PCDH15: variants seen among roughly 807,000 people sequenced by gnomAD.
PCDH15 encodes the protein protocadherin-15.
Under a neutral mutation model 178.5 loss-of-function variants are expected in PCDH15, and 129 were observed. The observed-to-expected ratio is 0.72, with a 90% CI of 0.63 to 0.84. The LOEUF (loss-of-function observed/expected upper bound fraction) is 0.84. Ranked by LOEUF, PCDH15 falls within the 40% of genes least tolerant of loss-of-function variation. The pLI, the probability that PCDH15 is intolerant of heterozygous loss-of-function variation, is 0.00. For synonymous variants in PCDH15, 800 were observed against 732.0 expected (o/e 1.09, Z -1.50); for missense variants, 2,230 against 2,099.9 (o/e 1.06, Z -1.21).
intron 11 of PCDH15, among the ~76,000 whole-genome samples, chr10:54,188,889 C>G (rs1318940116): frequency 2.6e-5 from 4 of 151,854 alleles, no homozygotes; most frequent in African/African-American, 4.8e-5. Flanking sequence ...CAAGAGCATA[C>G]ATATAAATGA....
chr10:54,143,109 A>G (rs1474401823), intron 14 of PCDH15, among the ~76,000 whole-genome samples: 2 of 152,112 alleles, frequency 1.3e-5, no homozygotes, highest in African/African-American at 4.8e-5. Flanking sequence ...AGAGACATGT[A>G]AGGCTTATTA....
intron 25 of PCDH15, among the ~76,000 whole-genome samples, chr10:53,938,395 C>T (rs1321473874): frequency 1.3e-5 from 2 of 151,912 alleles, no homozygotes; most frequent in Non-Finnish European, 2.9e-5. Context: ...AAATGTTAGT[C>T]GCTAATTTTA....
chr10:55,394,286 CTTCTT>C (rs1181594584), intron 2 of PCDH15, among the ~76,000 whole-genome samples: 14 of 151,766 alleles, frequency 9.2e-5, no homozygotes, highest in Non-Finnish European at 1.5e-4. Flanking sequence ...TTTCTTCCCT[CTTCTT>C]TTCCCTTCAT....
chr10:54,469,002 T>G (rs1344447336), intron 3 of PCDH15, among the ~76,000 whole-genome samples: 2 of 152,210 alleles, frequency 1.3e-5, no homozygotes, highest in Non-Finnish European at 1.5e-5. Context: ...AATATCTTTT[T>G]CCATCCCTTT....
intron 2 of PCDH15, among the ~76,000 whole-genome samples, chr10:55,596,053 A>G (rs1362360432): frequency 1.3e-5 from 2 of 152,096 alleles, no homozygotes; most frequent in African/African-American, 4.8e-5. Flanking sequence ...AATACTTTTA[A>G]GAACTTTTAA....
Position 55,401,835 on chromosome 10 carries a change from G to A in PCDH15, c.-156+225790C>T, listed in dbSNP as rs16907361. Among the ~76,000 whole-genome samples the A allele has an allele frequency of 7.9e-3, 1,202 of 152,130 alleles. 14 individuals are homozygous for A. The highest frequency in any genetic ancestry group is 0.026 in the African/African-American group (1,082 of 41,532). ...TTGCTTGTATGAGCTGTCTAGGAAT[G>A]ATGGAAATTAAGAGCTACAGTTCTC... On this transcript the variant is annotated intron_variant, in intron 2 of 5. Coordinates refer to the PCDH15 transcript ENST00000613346.
chr10:55,511,695 A>G (rs1013692689), intron 2 of PCDH15, among the ~76,000 whole-genome samples: 5 of 152,058 alleles, frequency 3.3e-5, no homozygotes, highest in African/African-American at 1.2e-4. Flanking sequence ...CTCCTCTAAT[A>G]AAGCAATCTC....
intron 9 of PCDH15, among the ~76,000 whole-genome samples, chr10:54,214,447 C>A (rs1298509475): frequency 4.0e-5 from 6 of 151,790 alleles, no homozygotes; most frequent in Non-Finnish European, 8.8e-5. Flanking sequence ...GTAATTTGTA[C>A]CAAATAGTGA....
chr10:54,947,106 C>G (rs1195643582), intron 2 of PCDH15, among the ~76,000 whole-genome samples: 2 of 151,736 alleles, frequency 1.3e-5, no homozygotes, highest in Non-Finnish European at 2.9e-5. Flanking sequence ...CAAAATTGAA[C>G]AGCTATTATG....
At chr10:55,242,913 A>C (rs2132214330) in intron 1 of PCDH15, among the ~76,000 whole-genome samples, 1 of 152,320 alleles carries the variant, frequency 6.6e-6, no homozygotes, top group African/African-American at 2.4e-5. Context: ...CACAACTTAT[A>C]ATAGGTTGAA....
chr10:54,484,463 A>C lies in PCDH15; in HGVS notation c.157+43349T>G, dbSNP rs12771238. ...AGCTACAACCTCTTCAAATACTTAA[A>C]AGAAAATACTGTTCACATTAATTGT... On this transcript the variant is annotated intron_variant, in intron 3 of 37. Coordinates refer to ENST00000644397, the MANE Select transcript of PCDH15 (RefSeq NM_001384140.1). 4.6e-5 allele frequency among the ~76,000 whole-genome samples: 7 copies of C among 152,056 alleles called. No homozygotes were observed. The East Asian group carries it at 9.7e-4, about 21-fold the overall frequency.
intron 2 of PCDH15, among the ~76,000 whole-genome samples, chr10:55,613,159 A>T (rs1026895946): frequency 2.6e-5 from 4 of 151,458 alleles, no homozygotes; most frequent in Non-Finnish European, 5.9e-5. Flanking sequence ...TCAGAAATCC[A>T]TTATTAGTTT....
intron 13 of PCDH15, among the ~76,000 whole-genome samples, chr10:54,174,057 T>C (rs2047173001): frequency 6.6e-6 from 1 of 152,218 alleles, no homozygotes; most frequent in African/African-American, 2.4e-5. Flanking sequence ...ATATCGATTA[T>C]GGGCTTCATT....
intron 3 of PCDH15, among the ~76,000 whole-genome samples, chr10:54,424,394 C>A (rs1016960910): frequency 1.3e-5 from 2 of 151,820 alleles, no homozygotes; most frequent in African/African-American, 4.9e-5. Flanking sequence ...AATAGGAACA[C>A]TTTTACACTG....
At chr10:54,345,829 A>AT (rs1424515828) in intron 6 of PCDH15, among the ~76,000 whole-genome samples, 1 of 137,208 alleles carries the variant, frequency 7.3e-6, no homozygotes, top group African/African-American at 2.6e-5. Context: ...AAAAAAAAAA[A>AT]AAAAAGAAAT....
chr10:53,883,725 G>A (rs2080896902), intron 26 of PCDH15, among the ~76,000 whole-genome samples: 1 of 152,138 alleles, frequency 6.6e-6, no homozygotes, highest in Non-Finnish European at 1.5e-5. Flanking sequence ...AAAGGCTTTT[G>A]TTTTGTTTGA....
intron 18 of PCDH15, among the ~76,000 whole-genome samples, chr10:54,028,844 C>T (rs558807395): frequency 2.4e-3 from 352 of 148,832 alleles, no homozygotes; most frequent in Middle Eastern, 6.9e-3. Flanking sequence ...TGCTAGATGA[C>T]GAGTTAGTGG....
chr10:55,234,629 C>T (rs1005174027), intron 1 of PCDH15, among the ~76,000 whole-genome samples: 4 of 152,146 alleles, frequency 2.6e-5, no homozygotes, highest in African/African-American at 9.6e-5. Flanking sequence ...AATCCACCTA[C>T]CTCGGCCTCC....
chr10:53,936,151 C>T (rs1245316872), intron 25 of PCDH15, among the ~76,000 whole-genome samples: 1 of 152,048 alleles, frequency 6.6e-6, no homozygotes, highest in South Asian at 2.1e-4. Context: ...AAATAAATAT[C>T]AAGGTGAATA....
Sources: gnomAD v4.1 joint callset for allele counts (sites outside exome capture counted in the v4.1 genomes callset) on GRCh38, gnomAD v4.1.1 for gene constraint, MANE v1.5 for transcripts, NCBI Gene and HGNC (gene_info 2026-07-23, HGNC 2026-07-21) for gene names.